Variants in GRB10 observed in about 807,000 individuals in gnomAD.
GRB10 encodes growth factor receptor bound protein 10, also known as growth factor receptor-bound protein 10.
Under a neutral mutation model 80.9 loss-of-function variants are expected in GRB10, and 20 were observed. The observed-to-expected ratio is 0.25, with a 90% CI of 0.17 to 0.36. The LOEUF (loss-of-function observed/expected upper bound fraction) is 0.36. GRB10 is among the 10% of genes least tolerant of loss of function. The probability of loss-of-function intolerance (pLI) is 1.00; values close to 1 mark genes in which losing one functional copy is unlikely to be tolerated. For synonymous variants in GRB10, 291 were observed against 291.5 expected, an observed-to-expected ratio of 1.00 and a Z score of 0.02; for missense variants, 548 against 747.7, an observed-to-expected ratio of 0.73 and a Z score of 3.12.
Position 50,782,072 on chromosome 7 carries a change from T to C in GRB10, c.-327+352A>G, listed in dbSNP as rs1420809321. On this transcript the variant is annotated intron_variant, in intron 1 of 18. Transcript: ENST00000401949. The surrounding 1 kb of genome is among the most constrained non-coding windows in gnomAD (Gnocchi z 6.6). ...TTCCCAAACCGGTTCCCACACCCGC[T>C]GCCCACCACCTGGCGAGGAAGGAGC... Among the ~76,000 whole-genome samples, 1 of 152,234 alleles carries C rather than the reference T, an allele frequency of 6.6e-6. No homozygotes were observed. Among genetic ancestry groups the C allele is most frequent in the Non-Finnish European group, 1.5e-5 (1 of 68,022 alleles).
intron 7 of GRB10, among the ~76,000 whole-genome samples, chr7:50,646,819 G>A (rs2057268000): frequency 6.6e-6 from 1 of 152,310 alleles, no homozygotes; most frequent in Non-Finnish European, 1.5e-5. Flanking sequence ...ACCAATTGGT[G>A]TAATGATTCA....
intron 3 of GRB10, among the ~76,000 whole-genome samples, chr7:50,734,475 G>T (rs544200081): frequency 4.6e-5 from 7 of 152,006 alleles, no homozygotes; most frequent in African/African-American, 1.7e-4. Flanking sequence ...CACGCACGCC[G>T]CACGCCTCCC....
intron 5 of GRB10, among the ~76,000 whole-genome samples, chr7:50,686,825 GAC>G (rs1239299357): frequency 1.3e-5 from 2 of 152,218 alleles, no homozygotes; most frequent in African/African-American, 2.4e-5. Context: ...TGGCTACCAA[GAC>G]ACAGAGTGGA....
Position 50,767,103 on chromosome 7 carries a change from C to CT in GRB10, c.-216-11048dup, listed in dbSNP as rs147522083. On this transcript the variant is annotated intron_variant, in intron 2 of 18. Transcript: ENST00000401949. ...TGTAATCGAACTTTTCTGCAGTATT[C>CT]TTTTTTAATGAGTGTGCATGATCTC... 8.4e-3 allele frequency among the ~76,000 whole-genome samples: 1,282 copies of CT among 152,280 alleles called. 10 individuals carry two copies. The highest frequency in any genetic ancestry group is 0.014 in the Non-Finnish European group (967 of 68,020).
At chr7:50,688,339 G>T (rs1451331136) in intron 5 of GRB10, among the ~76,000 whole-genome samples, 1 of 152,210 alleles carries the variant, frequency 6.6e-6, no homozygotes, top group African/African-American at 2.4e-5. Context: ...AAGTATGACA[G>T]GTCTGGGGGA....
intron 4 of GRB10, among the ~76,000 whole-genome samples, chr7:50,722,429 G>T (rs1382863053): frequency 2.6e-5 from 4 of 152,230 alleles, no homozygotes; most frequent in Non-Finnish European, 5.9e-5. Flanking sequence ...AGCATCTGTA[G>T]TCCCATGAGC....
At chr7:50,628,832 T>A (rs2053482521) in intron 7 of GRB10, among the ~76,000 whole-genome samples, 1 of 152,178 alleles carries the variant, frequency 6.6e-6, no homozygotes, top group Non-Finnish European at 1.5e-5. Context: ...AATTTATGTG[T>A]CACTCAATGA....
At chr7:50,760,737 T>C (rs954043272) in intron 2 of GRB10, among the ~76,000 whole-genome samples, 1 of 152,226 alleles carries the variant, frequency 6.6e-6, no homozygotes, top group Non-Finnish European at 1.5e-5. Context: ...CATGGCACCA[T>C]GTGCTATACA....
intron 18 of GRB10, 118 bp downstream of exon 18, chr7:50,595,319 T>G: frequency 1.4e-6 from 1 of 722,530 alleles, no homozygotes; most frequent in Non-Finnish European, 2.5e-6. Context: ...GTTTCTTAAC[T>G]GCAGCCTTGA....
chr7:50,656,730 T>C (rs1215458727), intron 7 of GRB10, among the ~76,000 whole-genome samples: 1 of 152,112 alleles, frequency 6.6e-6, no homozygotes, highest in African/African-American at 2.4e-5. Flanking sequence ...CACTCTCTCA[T>C]TAGGGAGAAT....
intron 4 of GRB10, among the ~76,000 whole-genome samples, chr7:50,716,684 A>G (rs1015666018): frequency 8.5e-5 from 13 of 152,206 alleles, no homozygotes; most frequent in African/African-American, 2.7e-4. Context: ...GAGATGAAAA[A>G]TATGTGGGCA....
At chr7:50,699,716 A>G (rs1164121539) in intron 5 of GRB10, among the ~76,000 whole-genome samples, 1 of 152,202 alleles carries the variant, frequency 6.6e-6, no homozygotes, top group Non-Finnish European at 1.5e-5. Flanking sequence ...AAACGGTATT[A>G]TAATTTTGAT....
At chr7:50,671,385 A>G (rs889474534) in intron 6 of GRB10, among the ~76,000 whole-genome samples, 1 of 152,210 alleles carries the variant, frequency 6.6e-6, no homozygotes, top group Non-Finnish European at 1.5e-5. Flanking sequence ...ACATTTTGTG[A>G]CTGTATTACT....
chr7:50,596,889 T>TA (rs2046752934), intron 17 of GRB10, among the ~76,000 whole-genome samples: 1 of 152,186 alleles, frequency 6.6e-6, no homozygotes, highest in South Asian at 2.1e-4. Context: ...TCATTGCTCT[T>TA]ACATGAGAAA....
intron 8 of GRB10, among the ~76,000 whole-genome samples, chr7:50,624,343 G>A (rs57467237): frequency 0.014 from 2,140 of 152,318 alleles, 48 homozygotes; most frequent in African/African-American, 0.049. Context: ...TGGCCTTGCG[G>A]CCCTTGCGTC....
chr7:50,722,397 G>T (rs537548178), intron 4 of GRB10, among the ~76,000 whole-genome samples: 1 of 152,362 alleles, frequency 6.6e-6, no homozygotes, highest in East Asian at 1.9e-4. Flanking sequence ...ATGTTGGATG[G>T]CACAGACAGA....
chr7:50,764,657 G>A (rs538967807), intron 2 of GRB10, among the ~76,000 whole-genome samples: 4 of 152,158 alleles, frequency 2.6e-5, no homozygotes, highest in Non-Finnish European at 5.9e-5. Context: ...CTGCACAAGC[G>A]CTCAGCCACT....
At chr7:50,688,864 G>A (rs940915412) in intron 5 of GRB10, among the ~76,000 whole-genome samples, 2 of 152,152 alleles carry the variant, frequency 1.3e-5, no homozygotes, top group African/African-American at 4.8e-5. Context: ...CATGAACAGG[G>A]AAAGATGGAT....
chr7:50,611,533 G>C (rs2049524399), intron 13 of GRB10, among the ~76,000 whole-genome samples: 1 of 152,200 alleles, frequency 6.6e-6, no homozygotes, highest in Non-Finnish European at 1.5e-5. Flanking sequence ...TTCTGGGAGA[G>C]AGATACAGGA....
Sources: gnomAD v4.1 joint callset for allele counts (sites outside exome capture counted in the v4.1 genomes callset) on GRCh38, gnomAD v4.1.1 for gene constraint, Gnocchi (gnomAD v3.1) non-coding constraint, MANE v1.5 for transcripts, NCBI Gene and HGNC (gene_info 2026-07-23, HGNC 2026-07-21) for gene names.